CNTNAP4: variants seen among roughly 807,000 people sequenced by gnomAD.
CNTNAP4 encodes contactin-associated protein-like 4.
A neutral mutation model predicts 148.4 loss-of-function variants in CNTNAP4; 98 were observed. That is an observed-to-expected ratio of 0.66 (90% CI 0.56 to 0.78). The LOEUF is 0.78. Ranked by LOEUF, CNTNAP4 falls within the 30% of genes least tolerant of loss-of-function variation. The pLI, the probability that CNTNAP4 is intolerant of heterozygous loss-of-function variation, is 0.00. For missense variants in CNTNAP4, 1,935 were observed against 1,565.6 expected, an observed-to-expected ratio of 1.24 and a Z score of -3.98; for synonymous variants, 730 against 565.1, an observed-to-expected ratio of 1.29 and a Z score of -4.14.
intron 4 of CNTNAP4, among the ~76,000 whole-genome samples, chr16:76,437,184 G>A (rs553575743): frequency 2.0e-5 from 3 of 152,062 alleles, no homozygotes; most frequent in East Asian, 1.9e-4. Context: ...CAGCGTTTTC[G>A]TGTTTTTCTG....
chr16:76,430,755 C>T (rs549355455), intron 4 of CNTNAP4, among the ~76,000 whole-genome samples: 25 of 152,126 alleles, frequency 1.6e-4, no homozygotes, highest in Non-Finnish European at 3.2e-4. Flanking sequence ...TAGCACACCT[C>T]GCAGACTGCT....
intron 2 of CNTNAP4, among the ~76,000 whole-genome samples, chr16:76,340,739 T>C (rs760177301): frequency 6.6e-6 from 1 of 152,224 alleles, no homozygotes; most frequent in Non-Finnish European, 1.5e-5. Flanking sequence ...GTTTGCCTGC[T>C]AGTAGAACAT....
chr16:76,375,467 C>A (rs2144660910), intron 3 of CNTNAP4, among the ~76,000 whole-genome samples: 1 of 152,282 alleles, frequency 6.6e-6, no homozygotes, highest in Non-Finnish European at 1.5e-5. Context: ...TCTCGTCCTA[C>A]TTTGAATATT....
At chr16:76,446,042 G>A (rs1463991253) in intron 4 of CNTNAP4, among the ~76,000 whole-genome samples, 1 of 152,010 alleles carries the variant, frequency 6.6e-6, no homozygotes, top group Non-Finnish European at 1.5e-5. Context: ...ATTTATTCAT[G>A]TGCACTTGGT....
In CNTNAP4 at chr16:76,452,688, G is replaced by T. The variant is rs142063319; in HGVS notation, c.1252G>T (p.Gly418Cys). The T allele has an allele frequency of 2.7e-5, 44 of 1,613,272 alleles. No individual in the cohort carries two copies. The highest frequency in any genetic ancestry group is 3.7e-5 in the Non-Finnish European group (44 of 1,179,648). ...CAGTGAACTTCAGCTGATTTCAGGG[G>T]GTATCCTCCTCTTTCTGAGTGATGG... ...LFSELQLISG[G>C]ILLFLSDGKL... Residue 418 changes from glycine to cysteine, a missense_variant, in exon 8 of 24, where the codon GGT becomes TGT. Coordinates refer to ENST00000611870, the MANE Select transcript of CNTNAP4 (RefSeq NM_033401.5).
intron 3 of CNTNAP4, among the ~76,000 whole-genome samples, chr16:76,392,774 C>T (rs2078073444): frequency 6.6e-6 from 1 of 152,142 alleles, no homozygotes; most frequent in South Asian, 2.1e-4. Context: ...ATTTTTAAAG[C>T]TTGAACATGT....
chr16:76,332,325 A>G (rs563153746), intron 2 of CNTNAP4, among the ~76,000 whole-genome samples: 3 of 152,104 alleles, frequency 2.0e-5, no homozygotes, highest in Non-Finnish European at 4.4e-5. Flanking sequence ...CAGTGGTGCA[A>G]TTATAACTCA....
intron 4 of CNTNAP4, among the ~76,000 whole-genome samples, chr16:76,431,085 T>C (rs996959947): frequency 6.6e-6 from 1 of 152,122 alleles, no homozygotes; most frequent in African/African-American, 2.4e-5. Flanking sequence ...GTGTGAGGGA[T>C]AAAGTGATTG....
chr16:76,352,187 A>G (rs2011885920), intron 2 of CNTNAP4, among the ~76,000 whole-genome samples: 2 of 152,202 alleles, frequency 1.3e-5, no homozygotes, highest in Non-Finnish European at 2.9e-5. Context: ...AGTTGTAGCA[A>G]TAAGAGAATT....
In CNTNAP4 at chr16:76,522,234, A is replaced by G. The variant is rs2083484804; in HGVS notation, c.2732A>G (p.Gln911Arg). Residue 911 changes from glutamine (Q) to arginine (R), a missense_variant, in exon 17 of 24, where the codon CAG becomes CGG. Transcript: ENST00000611870. Reference protein sequence around the residue: ...PAPADGHVLLQLNSQLFVGGT... With the variant: ...PAPADGHVLLRLNSQLFVGGT... Reference sequence around the variant, plus strand: ...CCCGCTGATGGGCATGTCCTGTTACAGCTCAACAGTCAGCTCTTCGTGGGT... The same window carrying G: ...CCCGCTGATGGGCATGTCCTGTTACGGCTCAACAGTCAGCTCTTCGTGGGT... 2.5e-6 allele frequency: 4 copies of G among 1,613,786 alleles called. No homozygotes were observed. The highest frequency in any genetic ancestry group is 3.4e-6 in the Non-Finnish European group (4 of 1,179,864).
chr16:76,516,990 G>A (rs531446207), intron 15 of CNTNAP4, among the ~76,000 whole-genome samples: 9 of 152,192 alleles, frequency 5.9e-5, no homozygotes, highest in Non-Finnish European at 1.2e-4. Context: ...CTTCAACCCG[G>A]GAGGTGGAGG....
chr16:76,336,408 CG>C (rs1444035064), intron 2 of CNTNAP4, among the ~76,000 whole-genome samples: 3 of 152,074 alleles, frequency 2.0e-5, no homozygotes, highest in Non-Finnish European at 2.9e-5. Flanking sequence ...ATTTACACCA[CG>C]GGAATTGACA....
intron 4 of CNTNAP4, among the ~76,000 whole-genome samples, chr16:76,444,350 A>C (rs1460235072): frequency 1.3e-5 from 2 of 152,194 alleles, no homozygotes; most frequent in Non-Finnish European, 2.9e-5. Flanking sequence ...ACCTAGAATT[A>C]AATAATCTTT....
chr16:76,557,822 G>C (rs923806156), intron 23 of CNTNAP4: 1 of 152,198 alleles, frequency 6.6e-6, no homozygotes, highest in Non-Finnish European at 1.5e-5. Context: ...CCCTCTCAAA[G>C]TGTCCCAGGG....
chr16:76,494,897 GT>G lies in CNTNAP4; in HGVS notation c.2081-8del, dbSNP rs1568396157. On this transcript the variant is annotated splice_polypyrimidine_tract_variant and intron_variant, in intron 13 of 23. Coordinates refer to ENST00000611870, the MANE Select transcript of CNTNAP4 (RefSeq NM_033401.5). ...ATAAAACAGATGTCACATTTTTCACGTTTTTCTTTCAGATGGAACCCCTCTG... is the reference window on the plus strand; with the variant it reads ...ATAAAACAGATGTCACATTTTTCACGTTTTCTTTCAGATGGAACCCCTCTG... 4 of 1,609,362 alleles carry G rather than the reference GT, an allele frequency of 2.5e-6. No homozygotes were observed. The highest frequency in any genetic ancestry group is 1.3e-5 in the African/African-American group (1 of 74,706).
intron 3 of CNTNAP4, among the ~76,000 whole-genome samples, chr16:76,400,694 G>A (rs1047722792): frequency 6.6e-6 from 1 of 152,004 alleles, no homozygotes; most frequent in Non-Finnish European, 1.5e-5. Flanking sequence ...AATATTTAAC[G>A]CATATTGAGT....
At chr16:76,359,821 A>C (rs950023154) in intron 3 of CNTNAP4, among the ~76,000 whole-genome samples, 2 of 152,232 alleles carry the variant, frequency 1.3e-5, no homozygotes, top group African/African-American at 4.8e-5. Context: ...ATTGTACATG[A>C]TTGAAAAAGT....
chr16:76,527,085 C>G (rs1196873559), intron 17 of CNTNAP4, among the ~76,000 whole-genome samples: 1 of 152,118 alleles, frequency 6.6e-6, no homozygotes, highest in African/African-American at 2.4e-5. Context: ...ATACCACAAG[C>G]CATAAGCTTG....
intron 4 of CNTNAP4, among the ~76,000 whole-genome samples, chr16:76,437,541 C>T (rs968884730): frequency 6.6e-6 from 1 of 152,000 alleles, no homozygotes; most frequent in East Asian, 1.9e-4. Flanking sequence ...ATAGTAACTG[C>T]TAAGTTTTGC....
Sources: gnomAD v4.1 joint callset for allele counts (sites outside exome capture counted in the v4.1 genomes callset) on GRCh38, gnomAD v4.1.1 for gene constraint, MANE v1.5 for transcripts, NCBI Gene and HGNC (gene_info 2026-07-23, HGNC 2026-07-21) for gene names.